Variants in REST observed in about 807,000 individuals in gnomAD.
REST encodes RE1 silencing transcription factor.
Under a neutral mutation model 30.4 loss-of-function variants are expected in REST, and 1 was observed. The observed-to-expected ratio is 0.03, with a 90% CI of 0.01 to 0.16. The LOEUF (loss-of-function observed/expected upper bound fraction) is 0.16. Ranked by LOEUF, REST falls within the 10% of genes least tolerant of loss-of-function variation. The probability of loss-of-function intolerance (pLI) is 1.00; values close to 1 mark genes in which losing one functional copy is unlikely to be tolerated. For missense variants in REST, 1,259 were observed against 1,329.5 expected (o/e 0.95, Z 0.82); for synonymous variants, 504 against 451.1 (o/e 1.12, Z -1.49).
chr4:56,918,482 G>T lies in REST; in HGVS notation c.899-1305G>T, dbSNP rs182509830. 6.1e-4 allele frequency among the ~76,000 whole-genome samples: 93 copies of T among 152,298 alleles called. 1 individual carries two copies. Among genetic ancestry groups the T allele is most frequent in the African/African-American group, 2.0e-3 (84 of 41,568 alleles). On this transcript the variant is annotated intron_variant, in intron 2 of 3. Coordinates refer to ENST00000309042, the MANE Select transcript of REST (RefSeq NM_005612.5). ...CACTCCAGTCTGGGCAACAGAGCGA[G>T]ACCCTGTCTCATAAAAAACAATAAA...
In REST at chr4:56,918,982, TA is replaced by T. The variant is rs369118534; in HGVS notation, c.899-804del. 4.3e-3 allele frequency among the ~76,000 whole-genome samples: 629 copies of T among 146,956 alleles called. 9 individuals carry two copies. Among genetic ancestry groups the T allele is most frequent in the African/African-American group, 7.4e-3 (297 of 40,018 alleles). On this transcript the variant is annotated intron_variant, in intron 2 of 3. Coordinates refer to ENST00000309042, the MANE Select transcript of REST (RefSeq NM_005612.5). ...CACAATCCCCATGCTCAGCCCAGGC[TA>T]TTTTTTTTTTTTTTTTAAACGAGAT...
chr4:56,927,526 G>A lies in REST; in HGVS notation c.983-2315G>A, dbSNP rs1007701433. 14 of 457,160 alleles carry A rather than the reference G, an allele frequency of 3.1e-5. No individual in the cohort carries two copies. In the Admixed American group the frequency reaches 3.7e-4, roughly 12 times the overall value. 28.3% of individuals were successfully genotyped at this position (457,160 alleles called of 1,614,324 possible). ...GAGTTTTGCTTTATGAAAATTTTTA[G>A]TACAATTTGATATGAATTTGAGAAT... On this transcript the variant is annotated intron_variant, in intron 3 of 3. Coordinates refer to ENST00000309042, the MANE Select transcript of REST (RefSeq NM_005612.5).
At chr4:56,916,754 A>G (rs532221066) in intron 2 of REST, among the ~76,000 whole-genome samples, 29 of 152,360 alleles carry the variant, frequency 1.9e-4, no homozygotes, top group African/African-American at 6.3e-4. Context: ...GCAGTTCACT[A>G]TATATTGGCC....
chr4:56,926,998 A>T (rs1720740885), intron 3 of REST, among the ~76,000 whole-genome samples: 1 of 151,982 alleles, frequency 6.6e-6, no homozygotes, highest in Non-Finnish European at 1.5e-5. Flanking sequence ...AGGGAAGGTG[A>T]GGCAGGAGAA....
chr4:56,908,554 G>T (rs1719730607), intron 1 of REST, among the ~76,000 whole-genome samples: 1 of 151,930 alleles, frequency 6.6e-6, no homozygotes, highest in African/African-American at 2.4e-5. Context: ...AGCTGCTCGG[G>T]CCCGTAGTCC....
intron 1 of REST, among the ~76,000 whole-genome samples, chr4:56,910,398 T>C (rs1305980874): frequency 6.6e-6 from 1 of 152,200 alleles, no homozygotes; most frequent in Non-Finnish European, 1.5e-5. Context: ...TGCAAACAAT[T>C]GGTAGAATTG....
In REST at chr4:56,935,108, CAT is replaced by C. The variant is rs1303380307; in HGVS notation, c.*2957_*2958del. 6.6e-6 allele frequency: 1 copy of C among 151,170 alleles called. No individual in the cohort carries two copies. Among genetic ancestry groups the C allele is most frequent in the Non-Finnish European group, 1.5e-5 (1 of 67,934 alleles). The allele number at this position is 151,170 out of a possible 1,614,324, so 9.4% of individuals were successfully genotyped here. On this transcript the variant is annotated 3_prime_UTR_variant, in exon 4 of 4. Transcript: ENST00000309042. Reference sequence around the variant, plus strand: ...TATTTTTTAGAGTCACTTCTAAAGTCATGTGGTAATTAACTTTGGAGACTGTT... The same window carrying C: ...TATTTTTTAGAGTCACTTCTAAAGTCGTGGTAATTAACTTTGGAGACTGTT...
intron 3 of REST, among the ~76,000 whole-genome samples, chr4:56,923,140 A>G (rs1049424760): frequency 6.6e-6 from 1 of 152,234 alleles, no homozygotes; most frequent in Non-Finnish European, 1.5e-5. Flanking sequence ...CTTAAAAACT[A>G]GTAGTAGCCA....
chr4:56,930,857 C>T lies in REST; in HGVS notation c.1999C>T (p.Leu667=). The change falls in exon 4 of 4, where the codon CTG becomes TTG. Residue 667 remains leucine (L), a synonymous_variant. Transcript: ENST00000309042. ...VQEGPAQKEL[L]PPVEPAQMVG... The stretch of plus-strand genomic sequence containing the variant: ...GGAGGGGCCTGCTCAGAAGGAGCTG[C>T]TGCCTCCCGTGGAGCCTGCTCAGAT... The T allele has an allele frequency of 6.2e-7, 1 of 1,613,474 alleles. No homozygotes were observed. The highest frequency in any genetic ancestry group is 8.5e-7 in the Non-Finnish European group (1 of 1,179,636).
chr4:56,930,253 C>T lies in REST; in HGVS notation c.1395C>T (p.Ser465=), dbSNP rs1346557771. The change falls in exon 4 of 4, where the codon TCC becomes TCT. Residue 465 remains serine (S), a synonymous_variant. Transcript: ENST00000309042. ...GDVAGKKNEK[S]VKAEKRDVSK... is the part of the protein sequence containing the mutation. ...TGGCTGGAAAGAAAAATGAAAAGTCCGTCAAAGCAGAGAAAAGAGATGTCT... is the reference window on the plus strand; with the variant it reads ...TGGCTGGAAAGAAAAATGAAAAGTCTGTCAAAGCAGAGAAAAGAGATGTCT... 48 of 1,609,110 alleles carry T rather than the reference C, an allele frequency of 3.0e-5. No homozygotes were observed. The highest frequency in any genetic ancestry group is 6.8e-5 in the Admixed American group (4 of 58,940).
chr4:56,920,633 A>G (rs573615879), intron 3 of REST, among the ~76,000 whole-genome samples: 2 of 152,090 alleles, frequency 1.3e-5, no homozygotes, highest in South Asian at 2.1e-4. Context: ...GTGGTGGCGC[A>G]TGCCTGTAAT....
chr4:56,920,184 C>T (rs1560446684), intron 3 of REST, among the ~76,000 whole-genome samples: 1 of 151,938 alleles, frequency 6.6e-6, no homozygotes, highest in East Asian at 1.9e-4. Context: ...ATCTTTTAAC[C>T]CCTACTTCTC....
Position 56,911,262 on chromosome 4 carries a change from G to A in REST, c.624G>A (p.Glu208=), listed in dbSNP as rs776941892. ...AATCTGGCTCTTCCACTGCAGAAGA[G>A]GGAGATTTCTCCAAGGGCCCCATTC... ...ARESGSSTAE[E]GDFSKGPIRC... Residue 208 remains glutamate (E), a synonymous_variant, in exon 2 of 4, where the codon GAG becomes GAA. Transcript: ENST00000309042. The A allele has an allele frequency of 6.2e-7, 1 of 1,614,128 alleles. No homozygotes were observed. The highest frequency in any genetic ancestry group is 8.5e-7 in the Non-Finnish European group (1 of 1,180,028).
At position 56,928,625 on chromosome 4, in the gene REST, G is replaced by A. The variant is rs997609180; in HGVS notation, c.983-1216G>A. Among the ~76,000 whole-genome samples the A allele has an allele frequency of 5.4e-5, 8 of 148,210 alleles. No homozygotes were observed. The South Asian group carries it at 6.5e-4, about 12-fold the overall frequency. On this transcript the variant is annotated intron_variant, in intron 3 of 3. Transcript: ENST00000309042. Reference sequence around the variant, plus strand: ...TTTTGTGAGACAAAGTCTTACTGTCGCCCAGGCTGAAGTGAAGTGGTGGGA... The same window carrying A: ...TTTTGTGAGACAAAGTCTTACTGTCACCCAGGCTGAAGTGAAGTGGTGGGA...
At position 56,931,441 on chromosome 4, in the gene REST, A is replaced by C. The variant is rs1720967767; in HGVS notation, c.2583A>C (p.Ser861=). ...LKESVSTEDL[S]PPSPPLPKEN... is the part of the protein sequence containing the mutation. Reference sequence around the variant, plus strand: ...AAAGTGTAAGCACAGAGGATCTCTCACCACCATCACCACCACTGCCAAAGG... The same window carrying C: ...AAAGTGTAAGCACAGAGGATCTCTCCCCACCATCACCACCACTGCCAAAGG... The change falls in exon 4 of 4, where the codon TCA becomes TCC. Residue 861 remains serine (S), a synonymous_variant. Coordinates refer to ENST00000309042, the MANE Select transcript of REST (RefSeq NM_005612.5). 6.2e-7 allele frequency: 1 copy of C among 1,614,098 alleles called. No individual in the cohort carries two copies. Among genetic ancestry groups the C allele is most frequent in the Non-Finnish European group, 8.5e-7 (1 of 1,180,034 alleles).
chr4:56,912,134 A>G (rs935212311), intron 2 of REST, among the ~76,000 whole-genome samples: 3 of 152,218 alleles, frequency 2.0e-5, no homozygotes, highest in African/African-American at 7.2e-5. Flanking sequence ...TTTGACTTAT[A>G]GCATTGAGTT....
intron 3 of REST, among the ~76,000 whole-genome samples, chr4:56,920,889 G>A (rs570227544): frequency 2.0e-5 from 3 of 152,108 alleles, no homozygotes; most frequent in East Asian, 3.9e-4. Flanking sequence ...TTTTGGAGAC[G>A]GAGTCTTGCT....
At chr4:56,914,396 T>G (rs1333465084) in intron 2 of REST, among the ~76,000 whole-genome samples, 2 of 152,186 alleles carry the variant, frequency 1.3e-5, no homozygotes, top group Non-Finnish European at 2.9e-5. Context: ...ATGTGTTGAA[T>G]GCTTTAAAAT....
chr4:56,928,282 A>G (rs1720801352), intron 3 of REST, among the ~76,000 whole-genome samples: 1 of 151,910 alleles, frequency 6.6e-6, no homozygotes. Flanking sequence ...AATTTTTTGT[A>G]TTTTTAGTAG....
Sources: gnomAD v4.1 joint callset for allele counts (sites outside exome capture counted in the v4.1 genomes callset) on GRCh38, gnomAD v4.1.1 for gene constraint, MANE v1.5 for transcripts, NCBI Gene and HGNC (gene_info 2026-07-23, HGNC 2026-07-21) for gene names.